Variants in TRIP12 observed in about 807,000 individuals in gnomAD.
TRIP12 encodes thyroid hormone receptor interactor 12, also known as E3 ubiquitin-protein ligase TRIP12.
Under a neutral mutation model 244.2 loss-of-function variants are expected in TRIP12, and 25 were observed. That is an observed-to-expected ratio of 0.10 (90% CI 0.07 to 0.14). The LOEUF (loss-of-function observed/expected upper bound fraction) is 0.14. TRIP12 is among the 10% of genes least tolerant of loss of function. The pLI is 1.00. For missense variants in TRIP12, 1,677 were observed against 2,486.4 expected (o/e 0.67, Z 6.92); for synonymous variants, 905 against 873.1 (o/e 1.04, Z -0.64).
intron 21 of TRIP12, among the ~76,000 whole-genome samples, chr2:229,800,461 GA>G (rs201245649): frequency 6.6e-6 from 1 of 151,486 alleles, no homozygotes; most frequent in East Asian, 1.9e-4. Context: ...GGAAAAATCT[GA>G]AAAAAAATTG....
intron 2 of TRIP12, among the ~76,000 whole-genome samples, chr2:229,873,262 T>C (rs1576444462): frequency 6.6e-6 from 1 of 152,308 alleles, no homozygotes; most frequent in Non-Finnish European, 1.5e-5. Flanking sequence ...AAAAAATTAA[T>C]GCACAACAAA....
At chr2:229,905,806 A>AC in intron 1 of TRIP12, among the ~76,000 whole-genome samples, 1 of 152,300 alleles carries the variant, frequency 6.6e-6, no homozygotes, top group South Asian at 2.1e-4. Context: ...CAAGGAGAGA[A>AC]CACATGCACT....
chr2:229,862,698 T>C (rs897547931), intron 2 of TRIP12, among the ~76,000 whole-genome samples: 3 of 152,164 alleles, frequency 2.0e-5, no homozygotes, highest in African/African-American at 7.2e-5. Context: ...CATATGAAAC[T>C]AAAGGTGAGG....
intron 8 of TRIP12, among the ~76,000 whole-genome samples, chr2:229,822,324 G>C (rs2050287562): frequency 6.6e-6 from 1 of 152,188 alleles, no homozygotes. Context: ...TTTTGAGACT[G>C]CTCAACTATT....
At chr2:229,863,499 A>G (rs573618733) in intron 2 of TRIP12, among the ~76,000 whole-genome samples, 10 of 152,302 alleles carry the variant, frequency 6.6e-5, no homozygotes, top group African/African-American at 2.4e-4. Flanking sequence ...ACAAACGAGC[A>G]TGGTGGCTAT....
At chr2:229,769,694 C>T (rs1037526612) in intron 39 of TRIP12, among the ~76,000 whole-genome samples, 1 of 151,912 alleles carries the variant, frequency 6.6e-6, no homozygotes, top group African/African-American at 2.4e-5. Flanking sequence ...TCCTGGCTTT[C>T]AGAAACACAA....
rs755477311 is a variant in TRIP12 at position 229,836,874 on chromosome 2, G to A, written c.1244C>T (p.Thr415Ile). Reference sequence around the variant, plus strand: ...TGCAGCTCCTTGGGGAGCTTCATCTGTCCGAGCAGCTGAAGAATTTACTGC... The same window carrying A: ...TGCAGCTCCTTGGGGAGCTTCATCTATCCGAGCAGCTGAAGAATTTACTGC... ...QEAVNSSAAR[T>I]DEAPQGAAAS... Residue 415 changes from threonine to isoleucine, a missense_variant, in exon 6 of 42, where the codon ACA becomes ATA. This residue lies in a region of TRIP12 where 143 missense variants were observed against 215.6 expected (regional missense o/e 0.66). Coordinates refer to ENST00000675903, the MANE Select transcript of TRIP12 (RefSeq NM_001348323.3). 1.9e-6 allele frequency: 3 copies of A among 1,598,810 alleles called. No individual in the cohort carries two copies. The highest frequency in any genetic ancestry group is 2.6e-6 in the Non-Finnish European group (3 of 1,175,402).
At chr2:229,847,926 A>G (rs2057912097) in intron 4 of TRIP12, among the ~76,000 whole-genome samples, 1 of 152,184 alleles carries the variant, frequency 6.6e-6, no homozygotes, top group Admixed American at 6.5e-5. Flanking sequence ...AATAAGAGGG[A>G]GAGAAGGGAA....
At chr2:229,794,185 A>G (rs750412767) in intron 26 of TRIP12, among the ~76,000 whole-genome samples, 2 of 152,214 alleles carry the variant, frequency 1.3e-5, no homozygotes, top group African/African-American at 2.4e-5. Flanking sequence ...ACCCTAGTCC[A>G]TGATGTGATT....
At chr2:229,877,769 T>C (rs2063897371) in intron 2 of TRIP12, among the ~76,000 whole-genome samples, 1 of 152,236 alleles carries the variant, frequency 6.6e-6, no homozygotes, top group Non-Finnish European at 1.5e-5. Flanking sequence ...CACGCAGTTT[T>C]TTAAAAGACA....
In TRIP12 at chr2:229,767,258, C is replaced by T. The variant is rs1330561549; in HGVS notation, c.*296G>A. The T allele has an allele frequency of 7.3e-6, 2 of 272,670 alleles. No individual in the cohort carries two copies. The highest frequency in any genetic ancestry group is 1.4e-5 in the Non-Finnish European group (2 of 146,950). The allele number at this position is 272,670 out of a possible 1,614,324, so 16.9% of individuals were successfully genotyped here. On this transcript the variant is annotated 3_prime_UTR_variant, in exon 42 of 42. Transcript: ENST00000675903. ...ATTGTTCCAGCCTGGAAAAACATCC[C>T]TTTTTTAAATTTCACACAGCAAAGC... is the stretch of plus-strand genomic sequence containing the variant.
intron 4 of TRIP12, among the ~76,000 whole-genome samples, chr2:229,846,845 T>C (rs969526626): frequency 3.3e-5 from 5 of 152,236 alleles, no homozygotes; most frequent in Non-Finnish European, 5.9e-5. Context: ...ATGCACTGAT[T>C]TGTCAATATG....
At chr2:229,910,415 A>T (rs533230892) in intron 1 of TRIP12, among the ~76,000 whole-genome samples, 45 of 152,328 alleles carry the variant, frequency 3.0e-4, no homozygotes, top group African/African-American at 9.1e-4. Flanking sequence ...TAGTAGACCC[A>T]TTTTATAGAA....
At chr2:229,877,949 C>T (rs1437271232) in intron 2 of TRIP12, among the ~76,000 whole-genome samples, 2 of 152,160 alleles carry the variant, frequency 1.3e-5, no homozygotes, top group Non-Finnish European at 2.9e-5. Flanking sequence ...AGTGTGGCTG[C>T]TCCAAAGAAT....
chr2:229,789,086 C>T (rs990104387), intron 31 of TRIP12, 146 bp from the exon 32 acceptor site: 6 of 733,722 alleles, frequency 8.2e-6, no homozygotes, highest in African/African-American at 1.8e-5. Flanking sequence ...CCTCTCATTA[C>T]TGTGTCCCAA....
At chr2:229,851,786 C>T (rs557442901) in intron 4 of TRIP12, among the ~76,000 whole-genome samples, 2 of 152,190 alleles carry the variant, frequency 1.3e-5, no homozygotes, top group South Asian at 4.1e-4. Flanking sequence ...CCAGCGAGAC[C>T]ATGAACCCAC....
chr2:229,867,099 T>G (rs1019623781), intron 2 of TRIP12, among the ~76,000 whole-genome samples: 9 of 149,816 alleles, frequency 6.0e-5, no homozygotes, highest in African/African-American at 2.2e-4. Context: ...CATAGAGGGT[T>G]TTTTTTTTTG....
In TRIP12 at chr2:229,765,476, G is replaced by A. The variant is rs1380771890; in HGVS notation, c.*2078C>T. On this transcript the variant is annotated 3_prime_UTR_variant, in exon 42 of 42. Transcript: ENST00000675903. Reference sequence around the variant, plus strand: ...AGGCTGAGGCTTTTAAACAGGTAACGACTGACTTTGAAACACTCAAGACTT... The same window carrying A: ...AGGCTGAGGCTTTTAAACAGGTAACAACTGACTTTGAAACACTCAAGACTT... 2.0e-5 allele frequency: 3 copies of A among 152,156 alleles called. No homozygotes were observed. The highest frequency in any genetic ancestry group is 2.9e-5 in the Non-Finnish European group (2 of 68,020). The allele number at this position is 152,156 out of a possible 1,614,324, so 9.4% of individuals were successfully genotyped here.
chr2:229,891,811 C>T (rs2067430791), intron 1 of TRIP12, among the ~76,000 whole-genome samples: 1 of 152,160 alleles, frequency 6.6e-6, no homozygotes, highest in South Asian at 2.1e-4. Flanking sequence ...TCCTTAGAAA[C>T]TTCTAGGAAT....
Sources: allele counts gnomAD v4.1 joint callset (sites outside exome capture counted in the v4.1 genomes callset), GRCh38; gene constraint gnomAD v4.1.1; regional missense constraint gnomAD v4.1.1; transcripts MANE v1.5; gene names NCBI Gene and HGNC (gene_info 2026-07-23, HGNC 2026-07-21).